Variants in CACNA1B observed in about 807,000 individuals in gnomAD.
CACNA1B encodes voltage-dependent N-type calcium channel subunit alpha-1B.
Under a neutral mutation model 247.2 loss-of-function variants are expected in CACNA1B, and 70 were observed. The ratio of observed to expected loss-of-function variants is 0.28; its 90% CI spans 0.23 to 0.35. The LOEUF (loss-of-function observed/expected upper bound fraction) is 0.35, where lower values mean the gene tolerates loss of function less well. CACNA1B is among the 10% of genes least tolerant of loss of function. The probability of loss-of-function intolerance (pLI) is 1.00; values close to 1 mark genes in which losing one functional copy is unlikely to be tolerated. For synonymous variants in CACNA1B, 1,231 were observed against 1,294.4 expected (o/e 0.95, Z 1.05); for missense variants, 2,367 against 3,197.4 (o/e 0.74, Z 6.26).
chr9:138,054,067 G>C lies in CACNA1B; in HGVS notation c.3968+61G>C. On this transcript the variant is annotated intron_variant, in intron 26 of 46. Coordinates refer to ENST00000371372, the MANE Select transcript of CACNA1B (RefSeq NM_000718.4). This position sits in a 1 kb window ranked among gnomAD's most constrained non-coding sequence, Gnocchi z 4.6. ...CCCCATGATGCAGACAACACTGGGA[G>C]TTCCCTTGGGACCAGGTGGAGCTGG... 1 of 1,500,726 alleles carries C rather than the reference G, an allele frequency of 6.7e-7. No individual in the cohort carries two copies. The highest frequency in any genetic ancestry group is 9.3e-7 in the Non-Finnish European group (1 of 1,080,038). The allele number at this position is 1,500,726 out of a possible 1,614,324, so 93.0% of individuals were successfully genotyped here. A position where few individuals can be genotyped will look rare whatever the true frequency, so the allele number is the denominator to read the frequency against.
chr9:137,951,553 G>A (rs1326622876), intron 6 of CACNA1B, among the ~76,000 whole-genome samples: 1 of 152,228 alleles, frequency 6.6e-6, no homozygotes, highest in Non-Finnish European at 1.5e-5. Flanking sequence ...CACCAGACTT[G>A]CAGGGAGAAA....
In CACNA1B at chr9:137,989,067, C is replaced by T. The variant is rs185230891; in HGVS notation, c.1974+2213C>T. 1.4e-3 allele frequency among the ~76,000 whole-genome samples: 212 copies of T among 152,278 alleles called. 2 individuals carry two copies. Among genetic ancestry groups the T allele is most frequent in the Non-Finnish European group, 1.6e-3 (107 of 68,020 alleles). ...CAGCCAGCATCCCAGACAGTGCCAA[C>T]AGCATCTACAGTCAGAAGGCGTAAT... On this transcript the variant is annotated intron_variant, in intron 15 of 46. Transcript: ENST00000371372.
At chr9:138,095,826 A>G (rs1961034875) in intron 36 of CACNA1B, among the ~76,000 whole-genome samples, 2 of 152,158 alleles carry the variant, frequency 1.3e-5, no homozygotes, top group Admixed American at 6.6e-5. Context: ...CCTTGAAAAC[A>G]TTAAGCTAAG....
At chr9:137,911,565 G>A (rs1434190682) in intron 3 of CACNA1B, among the ~76,000 whole-genome samples, 13 of 152,252 alleles carry the variant, frequency 8.5e-5, no homozygotes, top group East Asian at 7.7e-4. Context: ...ACAGGCATGC[G>A]CTACTGCGCC....
chr9:138,008,510 G>C (rs1171625814), intron 16 of CACNA1B, among the ~76,000 whole-genome samples: 3 of 152,228 alleles, frequency 2.0e-5, no homozygotes, highest in Non-Finnish European at 4.4e-5. Context: ...GCTCTGCGTG[G>C]ACTCACCTGT....
intron 1 of CACNA1B, 85 bp downstream of exon 1, chr9:137,878,302 G>A (rs1227503599): frequency 6.1e-5 from 69 of 1,130,424 alleles, no homozygotes; most frequent in Non-Finnish European, 7.1e-5. Context: ...GTGGCCGGGA[G>A]GGCGCGACCT....
Position 138,050,217 on chromosome 9 carries a change from G to GGACTTGGCTCCCGGC in CACNA1B, c.3710+902_3710+903insGACTTGGCTCCCGGC. On this transcript the variant is annotated intron_variant, in intron 24 of 46. Coordinates refer to ENST00000371372, the MANE Select transcript of CACNA1B (RefSeq NM_000718.4). The surrounding 1 kb of genome is among the most constrained non-coding windows in gnomAD (Gnocchi z 5.2). Reference sequence around the variant, plus strand: ...CCCCATCGGGGCTGCATGCTGCCGGGAGCCAAGTCCCCGGCCAGGGGTTCC... The same window carrying GGACTTGGCTCCCGGC: ...CCCCATCGGGGCTGCATGCTGCCGGGGACTTGGCTCCCGGCAGCCAAGTCCCCGGCCAGGGGTTCC... 1.5e-6 allele frequency: 1 copy of GGACTTGGCTCCCGGC among 649,532 alleles called. No homozygotes were observed. Among genetic ancestry groups the GGACTTGGCTCCCGGC allele is most frequent in the Non-Finnish European group, 2.4e-6 (1 of 409,978 alleles). 40.2% of individuals were successfully genotyped at this position (649,532 alleles called of 1,614,324 possible).
intron 10 of CACNA1B, among the ~76,000 whole-genome samples, chr9:137,961,073 G>A (rs1386513715): frequency 6.6e-6 from 1 of 151,942 alleles, no homozygotes; most frequent in African/African-American, 2.4e-5. Context: ...TCTCAGCACC[G>A]TTTATTAAGT....
Position 137,917,550 on chromosome 9 carries a change from C to A in CACNA1B, c.966+119C>A. Reference sequence around the variant, plus strand: ...CAGAGCCTCTGCCCAGCCCTAGGCTCCTCCCTGCACCCCTAGGATGAAATG... The same window carrying A: ...CAGAGCCTCTGCCCAGCCCTAGGCTACTCCCTGCACCCCTAGGATGAAATG... On this transcript the variant is annotated intron_variant, in intron 6 of 46. Coordinates refer to ENST00000371372, the MANE Select transcript of CACNA1B (RefSeq NM_000718.4). This position sits in a 1 kb window ranked among gnomAD's most constrained non-coding sequence, Gnocchi z 5.5. 1 of 811,002 alleles carries A rather than the reference C, an allele frequency of 1.2e-6. No individual in the cohort carries two copies. Among genetic ancestry groups the A allele is most frequent in the African/African-American group, 1.7e-5 (1 of 57,870 alleles). The allele number at this position is 811,002 out of a possible 1,614,324, so 50.2% of individuals were successfully genotyped here.
At chr9:137,999,880 T>C (rs2133400694) in intron 15 of CACNA1B, among the ~76,000 whole-genome samples, 1 of 152,256 alleles carries the variant, frequency 6.6e-6, no homozygotes, top group African/African-American at 2.4e-5. Flanking sequence ...CAGATGATGC[T>C]AAGAGTAGAC....
intron 10 of CACNA1B, among the ~76,000 whole-genome samples, chr9:137,964,631 A>ATAG: frequency 6.6e-6 from 1 of 152,254 alleles, no homozygotes; most frequent in East Asian, 1.9e-4. Flanking sequence ...GCATTGGGTT[A>ATAG]CCACATGCTC....
At chr9:138,097,759 C>A (rs761689123) in intron 37 of CACNA1B, among the ~76,000 whole-genome samples, 1 of 152,198 alleles carries the variant, frequency 6.6e-6, no homozygotes, top group African/African-American at 2.4e-5. Flanking sequence ...GCCGGCAGGA[C>A]GTGGTCAGAC....
At chr9:138,000,275 T>A (rs1958555371) in intron 15 of CACNA1B, among the ~76,000 whole-genome samples, 1 of 152,002 alleles carries the variant, frequency 6.6e-6, no homozygotes, top group South Asian at 2.1e-4. Context: ...ATTTTTTGTA[T>A]TTTTAGTAGA....
chr9:137,926,933 A>G (rs971065496), intron 6 of CACNA1B, among the ~76,000 whole-genome samples: 1 of 152,196 alleles, frequency 6.6e-6, no homozygotes, highest in Non-Finnish European at 1.5e-5. Context: ...TATTCTGAGT[A>G]TAATCCTTTT....
chr9:138,084,524 C>A (rs1343122479), intron 36 of CACNA1B, among the ~76,000 whole-genome samples: 1 of 151,302 alleles, frequency 6.6e-6, no homozygotes, highest in Non-Finnish European at 1.5e-5. Flanking sequence ...GAGACTATAC[C>A]ACTGCACCTG....
In CACNA1B at chr9:138,012,217, T is replaced by C. The variant is rs1958733521; in HGVS notation, c.2161-912T>C. 6.6e-6 allele frequency among the ~76,000 whole-genome samples: 1 copy of C among 152,072 alleles called. No homozygotes were observed. Among genetic ancestry groups the C allele is most frequent in the African/African-American group, 2.4e-5 (1 of 41,398 alleles). The stretch of plus-strand genomic sequence containing the variant: ...ACAGCTGGGGAAATGGGGACAGACA[T>C]GGTCTGCTGGCTCCAGGCAGAAAAG... On this transcript the variant is annotated intron_variant, in intron 17 of 46. Coordinates refer to ENST00000371372, the MANE Select transcript of CACNA1B (RefSeq NM_000718.4). The surrounding 1 kb of genome is among the most constrained non-coding windows in gnomAD (Gnocchi z 4.2).
intron 11 of CACNA1B, among the ~76,000 whole-genome samples, chr9:137,972,232 A>G (rs1958161522): frequency 6.7e-6 from 1 of 148,286 alleles, no homozygotes. Context: ...TCCCATGTGG[A>G]ATACAGCATT....
chr9:138,053,564 C>G (rs772496394), intron 25 of CACNA1B, among the ~76,000 whole-genome samples: 8 of 152,066 alleles, frequency 5.3e-5, no homozygotes, highest in Non-Finnish European at 1.2e-4. Context: ...GGCTCCACCT[C>G]TTGTCATGGC....
intron 6 of CACNA1B, among the ~76,000 whole-genome samples, chr9:137,933,893 CA>C (rs565212635): frequency 3.4e-4 from 50 of 147,828 alleles, no homozygotes; most frequent in African/African-American, 1.1e-3. Flanking sequence ...CATTATGGAA[CA>C]AAAAAAAAAT....
Sources: gnomAD v4.1 joint callset for allele counts (sites outside exome capture counted in the v4.1 genomes callset) on GRCh38, gnomAD v4.1.1 for gene constraint, Gnocchi (gnomAD v3.1) non-coding constraint, MANE v1.5 for transcripts, NCBI Gene and HGNC (gene_info 2026-07-23, HGNC 2026-07-21) for gene names.